The following ZFHX3 variants were observed in gnomAD, a reference collection of about 807,000 sequenced individuals.
ZFHX3 encodes zinc finger homeobox 3, also known as zinc finger homeobox protein 3.
Under a neutral mutation model 279.1 loss-of-function variants are expected in ZFHX3, and 42 were observed. The ratio of observed to expected loss-of-function variants is 0.15; its 90% CI spans 0.12 to 0.19. ZFHX3 has a LOEUF of 0.19. ZFHX3 is among the 10% of genes least tolerant of loss of function. The pLI, the probability that ZFHX3 is intolerant of heterozygous loss-of-function variation, is 1.00. For synonymous variants in ZFHX3, 2,293 were observed against 1,957.8 expected (o/e 1.17, Z -4.52); for missense variants, 4,981 against 4,754.0 (o/e 1.05, Z -1.40).
intron 1 of ZFHX3, among the ~76,000 whole-genome samples, chr16:73,696,703 G>T (rs1460108032): frequency 6.6e-6 from 1 of 152,132 alleles, no homozygotes; most frequent in Non-Finnish European, 1.5e-5. Flanking sequence ...CTGGTAAGTG[G>T]CAGTCTGATT....
intron 3 of ZFHX3, among the ~76,000 whole-genome samples, chr16:73,427,983 G>A (rs758808103): frequency 6.6e-6 from 1 of 151,920 alleles, no homozygotes; most frequent in Non-Finnish European, 1.5e-5. Flanking sequence ...CCCAGGCCTC[G>A]TGAATTTATT....
intron 2 of ZFHX3, among the ~76,000 whole-genome samples, chr16:73,561,797 C>CAATA (rs1490764733): frequency 6.6e-6 from 1 of 152,036 alleles, no homozygotes; most frequent in Non-Finnish European, 1.5e-5. Context: ...TAATACTAAT[C>CAATA]AAAAGTCCAT....
intron 1 of ZFHX3, among the ~76,000 whole-genome samples, chr16:73,682,995 G>GAAAGAAAGA (rs138483770): frequency 0.037 from 1,812 of 49,236 alleles, 179 homozygotes; most frequent in East Asian, 0.14. Context: ...AGAAAGAAAA[G>GAAAGAAAGA]AAAGAAAGAA....
chr16:72,966,706 G>A (rs537675772), intron 1 of ZFHX3, among the ~76,000 whole-genome samples: 22 of 152,336 alleles, frequency 1.4e-4, no homozygotes, highest in African/African-American at 5.1e-4. Context: ...GCAGGGCAAG[G>A]CAGCTATCCT....
At chr16:73,507,431 G>A (rs1439229012) in intron 2 of ZFHX3, among the ~76,000 whole-genome samples, 1 of 148,966 alleles carries the variant, frequency 6.7e-6, no homozygotes, top group East Asian at 2.0e-4. Flanking sequence ...GATGGACACA[G>A]TGGAAAGTGT....
chr16:72,897,594 T>C (rs190912063), intron 3 of ZFHX3, among the ~76,000 whole-genome samples: 146 of 152,088 alleles, frequency 9.6e-4, no homozygotes, highest in South Asian at 1.7e-3. Context: ...GTGCGTGCCA[T>C]CATGCCTGGC....
At chr16:73,350,858 A>G (rs2016228501) in intron 3 of ZFHX3, among the ~76,000 whole-genome samples, 1 of 152,166 alleles carries the variant, frequency 6.6e-6, no homozygotes, top group Admixed American at 6.5e-5. Context: ...GCATGTGCGC[A>G]AGGAAGTCTG....
At chr16:72,859,748 G>A (rs1316401570) in intron 4 of ZFHX3, among the ~76,000 whole-genome samples, 8 of 152,142 alleles carry the variant, frequency 5.3e-5, no homozygotes, top group African/African-American at 1.2e-4. Context: ...GGGAGAATGC[G>A]GCAGGACATG....
intron 2 of ZFHX3, among the ~76,000 whole-genome samples, chr16:73,624,479 AG>A (rs2052397020): frequency 6.6e-6 from 1 of 152,102 alleles, no homozygotes; most frequent in Non-Finnish European, 1.5e-5. Context: ...GGCAGGAGGG[AG>A]GAAAAGAAAG....
chr16:73,040,112 A>G (rs1965057442), intron 1 of ZFHX3, among the ~76,000 whole-genome samples: 1 of 152,188 alleles, frequency 6.6e-6, no homozygotes, highest in Admixed American at 6.5e-5. Flanking sequence ...CCCACAAGCA[A>G]GAGTAGGCCT....
intron 2 of ZFHX3, chr16:73,486,801 C>T (rs745949631): frequency 5.0e-5 from 23 of 455,796 alleles, no homozygotes; most frequent in East Asian, 1.4e-4. Flanking sequence ...AAGAATCCAT[C>T]GTTCAATGTA....
At chr16:73,197,381 T>C (rs1968173955) in intron 5 of ZFHX3, among the ~76,000 whole-genome samples, 1 of 152,198 alleles carries the variant, frequency 6.6e-6, no homozygotes, top group Non-Finnish European at 1.5e-5. Flanking sequence ...GAGGACAAGC[T>C]AGCAAGGTGG....
At position 72,950,799 on chromosome 16, in the gene ZFHX3, G is replaced by T. The variant is rs1275250227; in HGVS notation, c.2886C>A (p.Gly962=). ...GGCTGCGCTCCACGTTCATGTGCAG[G>T]CCCAGCATGTCCAGGTTGTCCGTCG... is the stretch of plus-strand genomic sequence containing the variant. ...KFTTDNLDML[G]LHMNVERSLS... is the part of the protein sequence containing the mutation. Residue 962 remains glycine, a synonymous_variant, in exon 3 of 10, where the codon GGC becomes GGA. Transcript: ENST00000268489. 1.2e-6 allele frequency: 2 copies of T among 1,614,186 alleles called. No individual in the cohort carries two copies. Among genetic ancestry groups the T allele is most frequent in the South Asian group, 1.1e-5 (1 of 91,084 alleles).
At chr16:73,873,588 T>C (rs1323319471) in intron 1 of ZFHX3, among the ~76,000 whole-genome samples, 2 of 152,182 alleles carry the variant, frequency 1.3e-5, no homozygotes, top group East Asian at 3.8e-4. Flanking sequence ...AAAAAACATA[T>C]TTACCTTTAA....
chr16:72,909,454 T>C (rs949930885), intron 3 of ZFHX3, among the ~76,000 whole-genome samples: 1 of 152,116 alleles, frequency 6.6e-6, no homozygotes, highest in Non-Finnish European at 1.5e-5. Flanking sequence ...CGTAACAAAT[T>C]TATACAATCA....
At chr16:73,876,508 A>G (rs914268138) in intron 1 of ZFHX3, among the ~76,000 whole-genome samples, 1 of 152,238 alleles carries the variant, frequency 6.6e-6, no homozygotes, top group African/African-American at 2.4e-5. Context: ...GTATCCTATC[A>G]GTAACATATA....
chr16:73,272,974 T>C (rs1373419769), intron 4 of ZFHX3, among the ~76,000 whole-genome samples: 3 of 152,062 alleles, frequency 2.0e-5, no homozygotes, highest in African/African-American at 7.2e-5. Context: ...CTTGAACTAC[T>C]GGGCTCAAGT....
At chr16:73,580,731 TC>T (rs2051852926) in intron 2 of ZFHX3, among the ~76,000 whole-genome samples, 1 of 151,770 alleles carries the variant, frequency 6.6e-6, no homozygotes, top group African/African-American at 2.4e-5. Context: ...TGTCAAGCAC[TC>T]CCCTGCCATC....
At chr16:72,968,391 T>C (rs1176877730) in intron 1 of ZFHX3, among the ~76,000 whole-genome samples, 1 of 151,916 alleles carries the variant, frequency 6.6e-6, no homozygotes, top group Admixed American at 6.6e-5. Context: ...AGGACATAAC[T>C]GGGACAACTG....
Sources: allele counts gnomAD v4.1 joint callset (sites outside exome capture counted in the v4.1 genomes callset), GRCh38; gene constraint gnomAD v4.1.1; transcripts MANE v1.5; gene names NCBI Gene and HGNC (gene_info 2026-07-23, HGNC 2026-07-21).